The following BICC1 variants were observed in gnomAD, a reference collection of about 807,000 sequenced individuals.
The protein encoded by BICC1 is protein bicaudal C homolog 1.
A neutral mutation model predicts 111.0 loss-of-function variants in BICC1; 43 were observed. The ratio of observed to expected loss-of-function variants is 0.39; its 90% CI spans 0.30 to 0.50. BICC1 has a LOEUF of 0.50. Among genes scored for constraint, BICC1 ranks in the 20% least tolerant of loss-of-function variants. The probability of loss-of-function intolerance (pLI) is 0.88; values close to 1 mark genes in which losing one functional copy is unlikely to be tolerated. For synonymous variants in BICC1, 467 were observed against 434.4 expected (o/e 1.07, Z -0.93); for missense variants, 1,091 against 1,203.2 (o/e 0.91, Z 1.38).
intron 1 of BICC1, among the ~76,000 whole-genome samples, chr10:58,549,144 C>T (rs892792142): frequency 3.4e-5 from 4 of 116,620 alleles, no homozygotes; most frequent in Admixed American, 1.1e-4. Context: ...CCTCCCTCAG[C>T]CAGTTTTTTT....
intron 3 of BICC1, among the ~76,000 whole-genome samples, chr10:58,756,800 G>C (rs1291163899): frequency 6.6e-6 from 1 of 151,998 alleles, no homozygotes; most frequent in Non-Finnish European, 1.5e-5. Context: ...ACATTAAGAT[G>C]CCTTTTATAA....
chr10:58,582,694 G>A (rs1200010108), intron 1 of BICC1, among the ~76,000 whole-genome samples: 5 of 152,160 alleles, frequency 3.3e-5, no homozygotes, highest in Admixed American at 3.3e-4. Context: ...GTTCCTTCTA[G>A]AAGCCCTGGG....
In BICC1 at chr10:58,775,891, AAC is replaced by A. The variant is rs535229740; in HGVS notation, c.308-9106_308-9105del. The stretch of plus-strand genomic sequence containing the variant: ...ACTTTGAGATCACGAACAAGCTTGA[AAC>A]ACAGTCTTTAGCACACAGAGTCAAT... On this transcript the variant is annotated intron_variant, in intron 3 of 20. Coordinates refer to ENST00000373886, the MANE Select transcript of BICC1 (RefSeq NM_001080512.3). Among the ~76,000 whole-genome samples, 576 of 152,312 alleles carry A rather than the reference AAC, an allele frequency of 3.8e-3. 4 individuals are homozygous for A. The highest frequency in any genetic ancestry group is 0.013 in the African/African-American group (538 of 41,562).
intron 1 of BICC1, among the ~76,000 whole-genome samples, chr10:58,563,352 A>G (rs1158003364): frequency 6.6e-6 from 1 of 151,876 alleles, no homozygotes; most frequent in Non-Finnish European, 1.5e-5. Flanking sequence ...ACTAAAGTGT[A>G]CTCCGCTTAG....
intron 2 of BICC1, among the ~76,000 whole-genome samples, chr10:58,697,915 C>T (rs924981792): frequency 5.3e-5 from 8 of 152,006 alleles, no homozygotes; most frequent in African/African-American, 1.9e-4. Flanking sequence ...CTTGTGCTTC[C>T]TCCCCCACCT....
rs4344442 is a variant in BICC1 at position 58,817,633 on chromosome 10, T to C, written c.2605T>C (p.Leu869=). The C allele has an allele frequency of 0.74, 1,200,072 of 1,613,216 alleles. 447,145 individuals carry two copies. The highest frequency in any genetic ancestry group is 0.79 in the Admixed American group (47,587 of 59,946). Residue 869 remains leucine (L), a synonymous_variant, in exon 19 of 21, where the codon TTA becomes CTA. Coordinates refer to ENST00000373886, the MANE Select transcript of BICC1 (RefSeq NM_001080512.3). ...GCTGACAGGAAGCAATGGCTGTAACTTAAATAGCTCTTTCAAAGGTTCTGA... is the reference window on the plus strand; with the variant it reads ...GCTGACAGGAAGCAATGGCTGTAACCTAAATAGCTCTTTCAAAGGTTCTGA... ...SSLTGSNGCN[L]NSSFKGSDLP...
chr10:58,655,946 G>A lies in BICC1; in HGVS notation c.237+35045G>A, dbSNP rs369959858. Among the ~76,000 whole-genome samples, 86 of 151,994 alleles carry A rather than the reference G, an allele frequency of 5.7e-4. No individual in the cohort carries two copies. The South Asian group carries it at 0.012, about 22-fold the overall frequency. On this transcript the variant is annotated intron_variant, in intron 2 of 20. Coordinates refer to ENST00000373886, the MANE Select transcript of BICC1 (RefSeq NM_001080512.3). Reference sequence around the variant, plus strand: ...AAAGGATCAACAAAATTGATAGACCGCTAGCAAGACTAATAAAGAAAAAAA... The same window carrying A: ...AAAGGATCAACAAAATTGATAGACCACTAGCAAGACTAATAAAGAAAAAAA...
chr10:58,806,207 AT>A (rs1287405553), intron 15 of BICC1, among the ~76,000 whole-genome samples: 1 of 152,192 alleles, frequency 6.6e-6, no homozygotes, highest in Non-Finnish European at 1.5e-5. Context: ...ACATGACAGC[AT>A]TTTGGAAATG....
intron 1 of BICC1, among the ~76,000 whole-genome samples, chr10:58,568,786 A>T (rs928381452): frequency 1.2e-4 from 18 of 152,114 alleles, no homozygotes; most frequent in African/African-American, 4.3e-4. Context: ...TCAGTGGGTT[A>T]TTGGAAGAAA....
intron 1 of BICC1, among the ~76,000 whole-genome samples, chr10:58,608,304 A>G (rs1474341220): frequency 6.6e-6 from 1 of 152,188 alleles, no homozygotes; most frequent in African/African-American, 2.4e-5. Context: ...TCGCCAGCTT[A>G]CGGGATTCCC....
chr10:58,519,845 TG>T (rs1190821143), intron 1 of BICC1, among the ~76,000 whole-genome samples: 2 of 152,046 alleles, frequency 1.3e-5, no homozygotes, highest in African/African-American at 2.4e-5. Flanking sequence ...CCATGTCAAA[TG>T]TTTTTTTTTC....
chr10:58,615,390 C>A (rs776555134), intron 1 of BICC1, among the ~76,000 whole-genome samples: 3 of 152,128 alleles, frequency 2.0e-5, no homozygotes, highest in African/African-American at 4.8e-5. Context: ...CATGACCCAG[C>A]GAGTTTGGAG....
In BICC1 at chr10:58,775,437, T is replaced by C. The variant is rs149152559; in HGVS notation, c.308-9564T>C. ...AAAAAAAAACATTTAAGCAGGAACT[T>C]TGCCTTTGAATAAGTGCTTGATGAA... On this transcript the variant is annotated intron_variant, in intron 3 of 20. Transcript: ENST00000373886. Among the ~76,000 whole-genome samples the C allele has an allele frequency of 4.9e-3, 747 of 152,246 alleles. 13 individuals carry two copies. The highest frequency in any genetic ancestry group is 0.017 in the African/African-American group (703 of 41,548).
chr10:58,822,739 G>C (rs769667878), intron 20 of BICC1, among the ~76,000 whole-genome samples: 7 of 152,022 alleles, frequency 4.6e-5, no homozygotes, highest in Non-Finnish European at 1.0e-4. Context: ...TCATCAAAAA[G>C]CTTCTTTCTC....
chr10:58,708,324 A>G (rs1174317922), intron 3 of BICC1, among the ~76,000 whole-genome samples: 1 of 152,000 alleles, frequency 6.6e-6, no homozygotes. Flanking sequence ...TTACATATTT[A>G]TAGAGTACAG....
intron 2 of BICC1, among the ~76,000 whole-genome samples, chr10:58,629,263 G>A (rs1162945126): frequency 1.3e-5 from 2 of 151,766 alleles, no homozygotes; most frequent in African/African-American, 4.8e-5. Flanking sequence ...AGCTGGATGT[G>A]GTATTGTCTT....
Position 58,807,113 on chromosome 10 carries a change from G to C in BICC1, c.2331G>C (p.Arg777Ser). ...MPAETIKELR[R>S]ANHVSYKPTM... ...CTGAAACTATCAAGGAGTTGAGAAG[G>C]GCCAATCATGTGTCCTATAAGCCCA... Residue 777 changes from arginine to serine, a missense_variant, in exon 17 of 21, where the codon AGG becomes AGC. By Grantham distance (110) the Arg-to-Ser change is moderately radical. Transcript: ENST00000373886. 1 of 1,613,740 alleles carries C rather than the reference G, an allele frequency of 6.2e-7. No homozygotes were observed. The highest frequency in any genetic ancestry group is 8.5e-7 in the Non-Finnish European group (1 of 1,179,832).
intron 3 of BICC1, among the ~76,000 whole-genome samples, chr10:58,780,641 A>T (rs921347034): frequency 6.6e-6 from 1 of 152,260 alleles, no homozygotes; most frequent in African/African-American, 2.4e-5. Context: ...AGGGGCCTGA[A>T]GGAAGAAGGA....
At chr10:58,542,215 C>T (rs550625517) in intron 1 of BICC1, among the ~76,000 whole-genome samples, 1 of 146,920 alleles carries the variant, frequency 6.8e-6, no homozygotes, top group Admixed American at 6.8e-5. Flanking sequence ...AATAGAGAAT[C>T]GAGAAATAAA....
Sources: allele counts gnomAD v4.1 joint callset (sites outside exome capture counted in the v4.1 genomes callset), GRCh38; gene constraint gnomAD v4.1.1; transcripts MANE v1.5; gene names NCBI Gene and HGNC (gene_info 2026-07-23, HGNC 2026-07-21).